The following CNTNAP2 variants were observed in gnomAD, a reference collection of about 807,000 sequenced individuals.
CNTNAP2 encodes the protein contactin-associated protein-like 2.
CNTNAP2 carries 98 observed loss-of-function variants against 155.2 expected under a neutral mutation model. The observed-to-expected ratio is 0.63, with a 90% confidence interval of 0.54 to 0.75. The LOEUF (loss-of-function observed/expected upper bound fraction) is 0.75. Ranked by LOEUF, CNTNAP2 falls within the 30% of genes least tolerant of loss-of-function variation. The probability of loss-of-function intolerance (pLI) is 0.00; values close to 1 mark genes in which losing one functional copy is unlikely to be tolerated. For missense variants in CNTNAP2, 1,727 were observed against 1,688.1 expected, an observed-to-expected ratio of 1.02 and a Z score of -0.40; for synonymous variants, 651 against 631.2, an observed-to-expected ratio of 1.03 and a Z score of -0.47.
At chr7:147,759,216 A>G (rs545963233) in intron 13 of CNTNAP2, among the ~76,000 whole-genome samples, 41 of 152,324 alleles carry the variant, frequency 2.7e-4, no homozygotes, top group African/African-American at 9.6e-4. Flanking sequence ...TTTTATAAAA[A>G]GAAATTATGT....
chr7:146,175,231 G>A (rs1465992463), intron 1 of CNTNAP2, among the ~76,000 whole-genome samples: 1 of 152,066 alleles, frequency 6.6e-6, no homozygotes, highest in East Asian at 1.9e-4. Context: ...AATTTGAATC[G>A]ATAAGGAGGC....
At chr7:147,044,949 C>T (rs564323271) in intron 4 of CNTNAP2, among the ~76,000 whole-genome samples, 15 of 152,092 alleles carry the variant, frequency 9.9e-5, no homozygotes, top group South Asian at 2.1e-4. Flanking sequence ...TCTGTGAAGG[C>T]GATACCAACA....
At chr7:148,271,994 G>T (rs1490212228) in intron 21 of CNTNAP2, among the ~76,000 whole-genome samples, 1 of 152,086 alleles carries the variant, frequency 6.6e-6, no homozygotes, top group African/African-American at 2.4e-5. Context: ...AAGAGAAGAA[G>T]ATGGCTCTAA....
At chr7:147,660,615 G>A (rs1795594617) in intron 13 of CNTNAP2, among the ~76,000 whole-genome samples, 1 of 152,112 alleles carries the variant, frequency 6.6e-6, no homozygotes, top group East Asian at 1.9e-4. Flanking sequence ...TTTTGAAATT[G>A]GCCATTCACT....
At chr7:147,689,776 C>T (rs1438404239) in intron 13 of CNTNAP2, among the ~76,000 whole-genome samples, 1 of 151,896 alleles carries the variant, frequency 6.6e-6, no homozygotes, top group African/African-American at 2.4e-5. Flanking sequence ...GTAGGTTTTC[C>T]TAGAGTCAGG....
chr7:147,156,273 C>A (rs913954882), intron 8 of CNTNAP2, among the ~76,000 whole-genome samples: 14 of 152,130 alleles, frequency 9.2e-5, no homozygotes, highest in African/African-American at 3.4e-4. Flanking sequence ...GTTGAATTGC[C>A]ACTTTTGGTA....
intron 3 of CNTNAP2, among the ~76,000 whole-genome samples, chr7:146,862,562 A>G (rs1795124457): frequency 6.6e-6 from 1 of 152,182 alleles, no homozygotes. Context: ...AATGAGAACT[A>G]ATCTTTATGC....
intron 1 of CNTNAP2, among the ~76,000 whole-genome samples, chr7:146,673,042 A>AT (rs953868601): frequency 1.1e-4 from 16 of 151,434 alleles, no homozygotes; most frequent in South Asian, 4.2e-4. Flanking sequence ...TTTACTTCTC[A>AT]TTTTTTTTCC....
intron 1 of CNTNAP2, among the ~76,000 whole-genome samples, chr7:146,253,661 G>A (rs111643976): frequency 0.041 from 6,304 of 152,258 alleles, 398 homozygotes; most frequent in African/African-American, 0.14. Flanking sequence ...ATTGGAGGCA[G>A]TCATCTGAGA....
chr7:146,184,217 C>T (rs907902567), intron 1 of CNTNAP2, among the ~76,000 whole-genome samples: 20 of 152,148 alleles, frequency 1.3e-4, no homozygotes, highest in African/African-American at 4.6e-4. Context: ...TAGTATCTAA[C>T]AGAATGAGGT....
chr7:147,313,620 A>T (rs570444044), intron 9 of CNTNAP2, among the ~76,000 whole-genome samples: 1 of 151,168 alleles, frequency 6.6e-6, no homozygotes, highest in Non-Finnish European at 1.5e-5. Flanking sequence ...CCATTGATCT[A>T]TATCTCTGTT....
Position 146,151,894 on chromosome 7 carries a change from G to T in CNTNAP2, c.97+34921G>T, listed in dbSNP as rs569246105. 9.3e-5 allele frequency among the ~76,000 whole-genome samples: 14 copies of T among 150,698 alleles called. No homozygotes were observed. The South Asian group carries it at 1.7e-3, about 18-fold the overall frequency. The stretch of plus-strand genomic sequence containing the variant: ...AGTCTTGGCAAGGATGTGGCAAAAA[G>T]GAAACTCTCAAACGCTGTTGGGAAT... On this transcript the variant is annotated intron_variant, in intron 1 of 23. Coordinates refer to ENST00000361727, the MANE Select transcript of CNTNAP2 (RefSeq NM_014141.6).
At chr7:146,726,315 A>G (rs1801430312) in intron 1 of CNTNAP2, among the ~76,000 whole-genome samples, 1 of 152,210 alleles carries the variant, frequency 6.6e-6, no homozygotes, top group Admixed American at 6.5e-5. Flanking sequence ...TTGTAAAACA[A>G]ATTTCACAGT....
At chr7:146,636,943 G>C (rs937462920) in intron 1 of CNTNAP2, among the ~76,000 whole-genome samples, 9 of 152,176 alleles carry the variant, frequency 5.9e-5, no homozygotes, top group Non-Finnish European at 1.2e-4. Context: ...GGCATACATA[G>C]AGAGAAATGT....
chr7:146,432,509 A>G (rs1796186719), intron 1 of CNTNAP2, among the ~76,000 whole-genome samples: 1 of 152,156 alleles, frequency 6.6e-6, no homozygotes, highest in South Asian at 2.1e-4. Context: ...CAAACAATAT[A>G]TAGAATGCTC....
intron 19 of CNTNAP2, among the ~76,000 whole-genome samples, chr7:148,222,854 G>C (rs1018348838): frequency 6.6e-6 from 1 of 152,184 alleles, no homozygotes. Flanking sequence ...GGCCTGTAGA[G>C]CTGGACCGTC....
rs1042632277 is a variant in CNTNAP2, at chr7:147,721,776, A to G, written c.2098+82470A>G. On this transcript the variant is annotated intron_variant, in intron 13 of 23. Transcript: ENST00000361727. ...TTAAAATAAATGCTCATAGTGCCCT[A>G]TTAAATTGGCTGCATTTTGACAGGA... Among the ~76,000 whole-genome samples the G allele has an allele frequency of 6.2e-4, 94 of 152,134 alleles. 2 individuals carry two copies. Among genetic ancestry groups the G allele is most frequent in the Non-Finnish European group, 2.1e-4 (14 of 68,012 alleles).
Position 146,721,969 on chromosome 7 carries a change from A to G in CNTNAP2, c.98-52302A>G, listed in dbSNP as rs551024096. Among the ~76,000 whole-genome samples the G allele has an allele frequency of 1.3e-4, 18 of 143,464 alleles. No individual in the cohort carries two copies. The East Asian group carries it at 2.8e-3, about 22-fold the overall frequency. The allele number at this position is 143,464 out of a possible 152,430, so 94.1% of individuals were successfully genotyped here. A position where few individuals can be genotyped will look rare whatever the true frequency, so the allele number is the denominator to read the frequency against. ...AGTGGCACGACTTCAGCTCACTGCA[A>G]CCTCCACCTCCTAGGTTCAAGCAAT... On this transcript the variant is annotated intron_variant, in intron 1 of 23. Transcript: ENST00000361727.
At chr7:146,824,761 G>A (rs114422044) in intron 2 of CNTNAP2, among the ~76,000 whole-genome samples, 241 of 151,968 alleles carry the variant, frequency 1.6e-3, no homozygotes, top group African/African-American at 5.0e-3. Flanking sequence ...TCTATTTTGG[G>A]GAATTAAAAT....
Sources: allele counts gnomAD v4.1 joint callset (sites outside exome capture counted in the v4.1 genomes callset), GRCh38; gene constraint gnomAD v4.1.1; transcripts MANE v1.5; gene names NCBI Gene and HGNC (gene_info 2026-07-23, HGNC 2026-07-21).